BCOR: variants seen among roughly 807,000 people sequenced by gnomAD.
BCOR encodes the protein BCL6 corepressor.
A neutral mutation model predicts 86.7 loss-of-function variants in BCOR; 10 were observed. The observed-to-expected ratio is 0.12, with a 90% CI of 0.07 to 0.20. BCOR has a LOEUF of 0.20. Among genes scored for constraint, BCOR ranks in the 10% least tolerant of loss-of-function variants. The probability of loss-of-function intolerance (pLI) is 1.00; values close to 1 mark genes in which losing one functional copy is unlikely to be tolerated. For synonymous variants in BCOR, 611 were observed against 609.0 expected, an observed-to-expected ratio of 1.00 and a Z score of -0.05; for missense variants, 1,259 against 1,452.1, an observed-to-expected ratio of 0.87 and a Z score of 2.16.
chrX:40,102,489 G>A (rs1376380686), upstream of BCOR, among the ~76,000 whole-genome samples: 1 of 113,979 alleles, frequency 8.8e-6, no homozygotes, highest in Non-Finnish European at 1.9e-5. Context: ...TGCTCCTGCA[G>A]ATAAACCCGG....
At chrX:40,161,101 G>A (rs1194450576) in intron 1 of BCOR, among the ~76,000 whole-genome samples, 1 of 105,753 alleles carries the variant, frequency 9.5e-6, no homozygotes, top group Non-Finnish European at 1.9e-5. Flanking sequence ...TCTGGCTCTC[G>A]GGCTGGAGCG....
In BCOR at chrX:40,074,114, C is replaced by G. The variant is rs754579483; in HGVS notation, c.1232G>C (p.Arg411Pro). 14 of 1,211,874 alleles carry G rather than the reference C, an allele frequency of 1.2e-5. No homozygotes were observed. Among genetic ancestry groups the G allele is most frequent in the Non-Finnish European group, 3.4e-6 (3 of 895,433 alleles). The change falls in exon 4 of 15, where the codon CGG (arginine) becomes CCG (proline). Residue 411 changes from arginine (R) to proline (P), a missense_variant. Around this residue, in one of 7 missense-constraint regions of BCOR, gnomAD observed 534 missense variants for 594.8 expected, o/e 0.90. Transcript: ENST00000378444. ...EGAQPVPGHA[R>P]KTAVQDRKDG... Reference sequence around the variant, plus strand: ...TTTTCTGTCTTGAACCGCTGTCTTCCGGGCATGCCCGGGCACTGGCTGGGC... The same window carrying G: ...TTTTCTGTCTTGAACCGCTGTCTTCGGGGCATGCCCGGGCACTGGCTGGGC...
intron 1 of BCOR, among the ~76,000 whole-genome samples, chrX:40,125,023 G>A (rs1026255588): frequency 4.0e-5 from 4 of 100,017 alleles, no homozygotes; most frequent in East Asian, 3.2e-4. Flanking sequence ...TGTGTGTGGC[G>A]TCGGGGGGGC....
Position 40,139,446 on chromosome X carries a change from A to ATATAC in BCOR, c.-41+37560_-41+37561insGTATA, listed in dbSNP as rs35673283. Among the ~76,000 whole-genome samples, 5 of 5,217 alleles carry ATATAC rather than the reference A, an allele frequency of 9.6e-4. 2 individuals are homozygous for ATATAC. The highest frequency in any genetic ancestry group is 0.017 in the South Asian group (2 of 120). The allele number at this position is 5,217 out of a possible 115,157, so 4.5% of individuals were successfully genotyped here. On this transcript the variant is annotated intron_variant, in intron 1 of 14. Transcript: ENST00000342274. ...TATACATATATATATATATATATATAATATATATACATATATATATATATA... is the reference window on the plus strand; with the variant it reads ...TATACATATATATATATATATATATATATACATATATATACATATATATATATATA...
At position 40,113,826 on chromosome X, in the gene BCOR, CTT is replaced by C. The variant is rs200993481; in HGVS notation, c.-40-35859_-40-35858del. Among the ~76,000 whole-genome samples the C allele has an allele frequency of 5.8e-3, 528 of 91,823 alleles. 2 individuals are homozygous for C. The highest frequency in any genetic ancestry group is 0.028 in the African/African-American group (514 of 18,167). The allele number at this position is 91,823 out of a possible 115,157, so 79.7% of individuals were successfully genotyped here. A position where few individuals can be genotyped will look rare whatever the true frequency, so the allele number is the denominator to read the frequency against. ...ATACTTTTTTTTTCTTTCTTTCTTT[CTT>C]TTTTTTTTGAGATAGAGTCTCACTC... On this transcript the variant is annotated intron_variant, in intron 1 of 14. Coordinates refer to the BCOR transcript ENST00000342274.
rs922102395 is a variant in BCOR at position 40,051,706 on chromosome X, C to T, written c.*403G>A. On this transcript the variant is annotated 3_prime_UTR_variant, in exon 15 of 15. Transcript: ENST00000378444. ...TATCACCAAGTGCCTTCCCCGAATTCGCTCCCTCAAACCAACCACACAGTT... is the reference window on the plus strand; with the variant it reads ...TATCACCAAGTGCCTTCCCCGAATTTGCTCCCTCAAACCAACCACACAGTT... The T allele has an allele frequency of 8.8e-5, 16 of 181,714 alleles. No individual in the cohort carries two copies. Among genetic ancestry groups the T allele is most frequent in the East Asian group, 5.6e-4 (7 of 12,518 alleles). 15.0% of individuals were successfully genotyped at this position (181,714 alleles called of 1,213,427 possible).
intron 6 of BCOR, among the ~76,000 whole-genome samples, chrX:40,070,631 C>G: frequency 8.9e-6 from 1 of 111,829 alleles, no homozygotes; most frequent in Non-Finnish European, 1.9e-5. Flanking sequence ...AAGGACTCTT[C>G]ATTCCACATC....
intron 1 of BCOR, among the ~76,000 whole-genome samples, chrX:40,152,812 G>A: frequency 8.9e-6 from 1 of 112,777 alleles, no homozygotes; most frequent in East Asian, 2.8e-4. Flanking sequence ...TGCCCCCGGG[G>A]AAACACAAAA....
intron 1 of BCOR, among the ~76,000 whole-genome samples, chrX:40,106,356 G>GGGGCGC (rs1019327249): frequency 1.8e-5 from 2 of 112,461 alleles, no homozygotes; most frequent in Non-Finnish European, 3.8e-5. Flanking sequence ...CGGCGGGCGG[G>GGGGCGC]GGGCGCGGGC....
chrX:40,126,381 T>C (rs1412758473), intron 1 of BCOR, among the ~76,000 whole-genome samples: 1 of 105,572 alleles, frequency 9.5e-6, no homozygotes, highest in African/African-American at 3.5e-5. Flanking sequence ...AAAAATTAGC[T>C]GGGTATGGTG....
intron 1 of BCOR, among the ~76,000 whole-genome samples, chrX:40,104,772 G>C (rs867104498): frequency 8.9e-6 from 1 of 112,961 alleles, no homozygotes; most frequent in Admixed American, 9.2e-5. Context: ...CCCTCCTCTC[G>C]CCCTTCCCCG....
In BCOR at chrX:40,052,376, C is replaced by G. The variant is rs375878497; in HGVS notation, c.5001G>C (p.Ser1667=). The change falls in exon 15 of 15, where the codon TCG becomes TCC. Residue 1667 remains serine (S), a synonymous_variant. Transcript: ENST00000378444. The stretch of plus-strand genomic sequence containing the variant: ...ACATTTTCAATTTCTTAAGGACATC[C>G]GAAAGCAGTAGCCAGTTTCGTGGCC... ...AQGPRNWLLL[S]DVLKKLKMSS... 3.3e-6 allele frequency: 4 copies of G among 1,208,318 alleles called. No individual in the cohort carries two copies. Among genetic ancestry groups the G allele is most frequent in the Non-Finnish European group, 4.5e-6 (4 of 894,274 alleles).
chrX:40,102,675 C>T (rs377318195), upstream of BCOR, among the ~76,000 whole-genome samples: 1 of 113,662 alleles, frequency 8.8e-6, no homozygotes, highest in African/African-American at 3.2e-5. Context: ...AGCTTCCCTC[C>T]TCCACTCCCA....
intron 1 of BCOR, among the ~76,000 whole-genome samples, chrX:40,139,474 T>TA (rs1937839457): frequency 9.0e-5 from 1 of 11,154 alleles, no homozygotes; most frequent in East Asian, 2.1e-3. Context: ...TATATATATA[T>TA]ATATATATAT....
At chrX:40,171,847 C>T (rs1938628210) in intron 1 of BCOR, among the ~76,000 whole-genome samples, 1 of 113,327 alleles carries the variant, frequency 8.8e-6, no homozygotes, top group Admixed American at 9.2e-5. Flanking sequence ...CAGCGGCTCC[C>T]CTGGGTTTCA....
intron 1 of BCOR, among the ~76,000 whole-genome samples, chrX:40,157,575 C>T (rs1430372503): frequency 8.9e-6 from 1 of 112,603 alleles, no homozygotes; most frequent in Non-Finnish European, 1.9e-5. Flanking sequence ...AACATGCAAA[C>T]TTTGGTTGGA....
intron 1 of BCOR, among the ~76,000 whole-genome samples, chrX:40,107,095 G>A (rs1937203676): frequency 8.9e-6 from 1 of 112,609 alleles, no homozygotes; most frequent in Non-Finnish European, 1.9e-5. Context: ...GTGAAGAAGG[G>A]GAGGGAAGAG....
intron 1 of BCOR, among the ~76,000 whole-genome samples, chrX:40,151,450 C>T (rs1317995160): frequency 1.8e-5 from 2 of 113,114 alleles, no homozygotes; most frequent in African/African-American, 6.4e-5. Flanking sequence ...TGGCCTTCTG[C>T]CGGGAGGATC....
At chrX:40,118,195 T>C (rs757308936) in intron 1 of BCOR, among the ~76,000 whole-genome samples, 39 of 110,198 alleles carry the variant, frequency 3.5e-4, no homozygotes, top group Non-Finnish European at 6.1e-4. Context: ...GACCTTTCTG[T>C]CCTCCCCTCA....
Sources: allele counts gnomAD v4.1 joint callset (sites outside exome capture counted in the v4.1 genomes callset), GRCh38; gene constraint gnomAD v4.1.1; regional missense constraint gnomAD v4.1.1; transcripts MANE v1.5; gene names NCBI Gene and HGNC (gene_info 2026-07-23, HGNC 2026-07-21).